OSBPL8: variants seen among roughly 807,000 people sequenced by gnomAD.
OSBPL8 encodes the protein oxysterol binding protein like 8.
Under a neutral mutation model 125.5 loss-of-function variants are expected in OSBPL8, and 59 were observed. That is an observed-to-expected ratio of 0.47 (90% CI 0.38 to 0.58). The LOEUF (loss-of-function observed/expected upper bound fraction) is 0.58, where lower values mean the gene tolerates loss of function less well. Among genes scored for constraint, OSBPL8 ranks in the 20% least tolerant of loss-of-function variants. The pLI is 0.00. For synonymous variants in OSBPL8, 330 were observed against 338.9 expected (o/e 0.97, Z 0.29); for missense variants, 758 against 1,047.8 (o/e 0.72, Z 3.82).
At position 76,464,219 on chromosome 12, in the gene OSBPL8, C is replaced by T. The variant is rs547813583; in HGVS notation, c.43-4324G>A. On this transcript the variant is annotated intron_variant, in intron 2 of 23. Coordinates refer to ENST00000261183, the MANE Select transcript of OSBPL8 (RefSeq NM_020841.5). ...AGGAGTTCAAGGCTGCAGTGTACCA[C>T]GATCCATGATCGCACCTGTGAACAG... Among the ~76,000 whole-genome samples the T allele has an allele frequency of 3.0e-4, 46 of 152,226 alleles. No individual in the cohort carries two copies. The East Asian group carries it at 4.1e-3, about 13-fold the overall frequency.
intron 17 of OSBPL8, among the ~76,000 whole-genome samples, chr12:76,375,041 A>T (rs1952759243): frequency 6.6e-6 from 1 of 152,160 alleles, no homozygotes; most frequent in African/African-American, 2.4e-5. Flanking sequence ...TTAAGATGAA[A>T]AACAAAAAAT....
intron 4 of OSBPL8, among the ~76,000 whole-genome samples, chr12:76,425,098 T>C (rs1371878002): frequency 6.6e-6 from 1 of 152,072 alleles, no homozygotes; most frequent in Non-Finnish European, 1.5e-5. Flanking sequence ...ACAACAATAC[T>C]GGAAGCAGGC....
At chr12:76,419,875 T>C (rs985793850) in intron 4 of OSBPL8, among the ~76,000 whole-genome samples, 1 of 152,182 alleles carries the variant, frequency 6.6e-6, no homozygotes, top group Non-Finnish European at 1.5e-5. Flanking sequence ...CCATGGTAAG[T>C]TCCTTAAATT....
chr12:76,425,244 T>A (rs984296853), intron 4 of OSBPL8, among the ~76,000 whole-genome samples: 13 of 152,210 alleles, frequency 8.5e-5, no homozygotes, highest in Non-Finnish European at 1.6e-4. Context: ...AAAATTTTAT[T>A]TTCTATGTAC....
chr12:76,362,766 T>A (rs1268304370), intron 21 of OSBPL8, among the ~76,000 whole-genome samples: 1 of 152,240 alleles, frequency 6.6e-6, no homozygotes, highest in African/African-American at 2.4e-5. Flanking sequence ...ATGACATGAC[T>A]GTATATTTAG....
chr12:76,462,467 A>G (rs1429695178), intron 2 of OSBPL8, among the ~76,000 whole-genome samples: 3 of 152,154 alleles, frequency 2.0e-5, no homozygotes, highest in African/African-American at 7.2e-5. Context: ...ATCTTTTCCA[A>G]TCATCCATTC....
chr12:76,451,140 CTT>C (rs1242656556), intron 3 of OSBPL8, 152 bp from the exon 4 acceptor site: 1 of 868,306 alleles, frequency 1.2e-6, no homozygotes, highest in African/African-American at 1.7e-5. Flanking sequence ...TCACAGTCAT[CTT>C]GTTTTCATGT....
intron 15 of OSBPL8, among the ~76,000 whole-genome samples, 191 bp from the exon 16 acceptor site, chr12:76,378,741 A>G (rs1474125026): frequency 6.6e-6 from 1 of 152,158 alleles, no homozygotes; most frequent in Non-Finnish European, 1.5e-5. Context: ...TCATTTTTAC[A>G]TAATGACTAC....
chr12:76,467,466 G>T (rs1382545073), intron 2 of OSBPL8, among the ~76,000 whole-genome samples: 1 of 152,078 alleles, frequency 6.6e-6, no homozygotes, highest in African/African-American at 2.4e-5. Flanking sequence ...GTTAACAAAG[G>T]AAGGGCTTTA....
chr12:76,379,987 C>A (rs1952976289), intron 15 of OSBPL8, among the ~76,000 whole-genome samples: 1 of 152,170 alleles, frequency 6.6e-6, no homozygotes, highest in Admixed American at 6.5e-5. Context: ...AACTCTATTG[C>A]ATCCCATTAA....
intron 15 of OSBPL8, among the ~76,000 whole-genome samples, chr12:76,381,903 T>G (rs532391450): frequency 3.9e-5 from 6 of 152,120 alleles, no homozygotes; most frequent in African/African-American, 1.2e-4. Context: ...CCCAGCTAAT[T>G]TTTGTATTTT....
intron 17 of OSBPL8, 49 bp from the exon 18 acceptor site, chr12:76,373,482 A>G (rs987364644): frequency 8.6e-6 from 12 of 1,393,100 alleles, no homozygotes; most frequent in Non-Finnish European, 1.1e-5. Context: ...TTATATTTAC[A>G]TATAATGTAA....
At chr12:76,386,075 AAAT>A (rs1953296124) in intron 14 of OSBPL8, 90 bp downstream of exon 14, 9 of 1,492,028 alleles carry the variant, frequency 6.0e-6, no homozygotes, top group Non-Finnish European at 7.1e-6. Flanking sequence ...AAGAAAGGCT[AAAT>A]AATATTGAGT....
chr12:76,390,610 A>G lies in OSBPL8; in HGVS notation c.977T>C (p.Met326Thr), dbSNP rs1296638502. 3 of 1,613,510 alleles carry G rather than the reference A, an allele frequency of 1.9e-6. No individual in the cohort carries two copies. The highest frequency in any genetic ancestry group is 2.5e-6 in the Non-Finnish European group (3 of 1,179,778). ...TTCTTTATCAGATTTATCAGAATAC[A>G]TATCTTGGTCCTTAAAATGTTGTCG... ...IERQHFKDQD[M>T]YSDKSDKEND... Residue 326 changes from methionine (M) to threonine (T), a missense_variant, in exon 11 of 24, where the codon ATG becomes ACG. This residue lies in a region of OSBPL8 where 572 missense variants were observed against 762.0 expected (regional missense o/e 0.75). Transcript: ENST00000261183.
At chr12:76,461,748 T>C (rs1040221420) in intron 2 of OSBPL8, among the ~76,000 whole-genome samples, 8 of 152,192 alleles carry the variant, frequency 5.3e-5, no homozygotes, top group African/African-American at 1.9e-4. Flanking sequence ...AGTAAGTCTT[T>C]CAGTTGAGAC....
chr12:76,417,531 T>G (rs1868845252), intron 4 of OSBPL8, among the ~76,000 whole-genome samples: 1 of 152,182 alleles, frequency 6.6e-6, no homozygotes, highest in South Asian at 2.1e-4. Context: ...ATGCCTCAAC[T>G]TCTTTATTTT....
rs544413574 is a variant in OSBPL8, at chr12:76,549,469, A to T, written c.-68+9928T>A. Among the ~76,000 whole-genome samples the T allele has an allele frequency of 9.2e-5, 14 of 152,320 alleles. No homozygotes were observed. In the South Asian group the frequency reaches 2.9e-3, roughly 32 times the overall value. On this transcript the variant is annotated intron_variant, in intron 1 of 23. Coordinates refer to ENST00000261183, the MANE Select transcript of OSBPL8 (RefSeq NM_020841.5). ...AGTCTCACCCAGGCTAGAGTGCAGT[A>T]GTTTGATCTCGGCTCACTGCAACGT...
chr12:76,455,008 G>C (rs893590837), intron 3 of OSBPL8, among the ~76,000 whole-genome samples: 2 of 151,932 alleles, frequency 1.3e-5, no homozygotes, highest in African/African-American at 4.8e-5. Flanking sequence ...GCCGAGGCTG[G>C]TGGATCACGA....
Position 76,355,940 on chromosome 12 carries a change from G to A in OSBPL8, c.2619C>T (p.Ile873=). 3 of 1,613,548 alleles carry A rather than the reference G, an allele frequency of 1.9e-6. No individual in the cohort carries two copies. The highest frequency in any genetic ancestry group is 2.5e-6 in the Non-Finnish European group (3 of 1,179,594). The change falls in exon 24 of 24, where the codon ATC becomes ATT. Residue 873 remains isoleucine (I), a synonymous_variant. Coordinates refer to ENST00000261183, the MANE Select transcript of OSBPL8 (RefSeq NM_020841.5). ...DYFLQQKDYF[I]IFLLILLQVI... ...CTTGAAGCAAAATCAGGAGGAAAAT[G>A]ATGAAGTAGTCTTTTTGTTGCAGAA... is the stretch of plus-strand genomic sequence containing the variant.
Sources: allele counts gnomAD v4.1 joint callset (sites outside exome capture counted in the v4.1 genomes callset), GRCh38; gene constraint gnomAD v4.1.1; regional missense constraint gnomAD v4.1.1; transcripts MANE v1.5; gene names NCBI Gene and HGNC (gene_info 2026-07-23, HGNC 2026-07-21).